Variants in CLIP2 observed in about 807,000 individuals in gnomAD.
CLIP2 encodes the protein CAP-Gly domain-containing linker protein 2.
Under a neutral mutation model 111.7 loss-of-function variants are expected in CLIP2, and 41 were observed. The observed-to-expected ratio is 0.37, with a 90% CI of 0.29 to 0.48. CLIP2 has a LOEUF of 0.48. Ranked by LOEUF, CLIP2 falls within the 20% of genes least tolerant of loss-of-function variation. The pLI, the probability that CLIP2 is intolerant of heterozygous loss-of-function variation, is 0.99. For synonymous variants in CLIP2, 660 were observed against 644.2 expected, an observed-to-expected ratio of 1.02 and a Z score of -0.37; for missense variants, 1,160 against 1,422.1, an observed-to-expected ratio of 0.82 and a Z score of 2.96.
intron 2 of CLIP2, among the ~76,000 whole-genome samples, chr7:74,322,074 C>CTCTGCCTCCTGGGTTCAAGCGATTCT (rs1204569670): frequency 2.7e-5 from 4 of 150,498 alleles, no homozygotes; most frequent in Non-Finnish European, 4.4e-5. Context: ...TGATTGCAAC[C>CTCTGCCTCCTGGGTTCAAGCGATTCT]TCTGCCTCCT....
chr7:74,399,836 G>A (rs560870003), intron 14 of CLIP2, among the ~76,000 whole-genome samples: 263 of 151,454 alleles, frequency 1.7e-3, no homozygotes, highest in Non-Finnish European at 2.9e-3. Context: ...CACCAGGCTC[G>A]GTCTCTGTCT....
At chr7:74,302,931 C>A (rs1264936659) in intron 1 of CLIP2, among the ~76,000 whole-genome samples, 1 of 152,196 alleles carries the variant, frequency 6.6e-6, no homozygotes, top group Non-Finnish European at 1.5e-5. Context: ...CTTCCTGGGG[C>A]TCCCTCGTAC....
rs1257165320 is a variant in CLIP2 at position 74,305,868 on chromosome 7, G to T, written c.-67-11612G>T. ...CCCTGCACCCCAACCCCCCCCCACCGCCCCTGCTGCCAGTTCACCATCATC... is the reference window on the plus strand; with the variant it reads ...CCCTGCACCCCAACCCCCCCCCACCTCCCCTGCTGCCAGTTCACCATCATC... On this transcript the variant is annotated intron_variant, in intron 1 of 16. Transcript: ENST00000223398. Among the ~76,000 whole-genome samples, 7 of 38,918 alleles carry T rather than the reference G, an allele frequency of 1.8e-4. 1 individual carries two copies. Among genetic ancestry groups the T allele is most frequent in the Admixed American group, 7.0e-4 (3 of 4,276 alleles). The allele number at this position is 38,918 out of a possible 152,430, so 25.5% of individuals were successfully genotyped here.
At chr7:74,387,295 C>G (rs1225308713) in intron 12 of CLIP2, among the ~76,000 whole-genome samples, 2 of 152,106 alleles carry the variant, frequency 1.3e-5, no homozygotes, top group Admixed American at 6.6e-5. Flanking sequence ...GTCACCTAGG[C>G]TGGAGTGCAG....
chr7:74,397,378 G>C, intron 14 of CLIP2, 145 bp downstream of exon 14: 1 of 935,288 alleles, frequency 1.1e-6, no homozygotes, highest in South Asian at 1.7e-5. Flanking sequence ...AAATCTTCTA[G>C]GACCACAGGC....
chr7:74,300,437 G>GA (rs1266659259), intron 1 of CLIP2, among the ~76,000 whole-genome samples: 1 of 150,156 alleles, frequency 6.7e-6, no homozygotes, highest in African/African-American at 2.4e-5. Flanking sequence ...CCATGTTGCT[G>GA]AAAAAGACAT....
At chr7:74,379,189 C>T (rs1554313485) in intron 10 of CLIP2, among the ~76,000 whole-genome samples, 2 of 152,060 alleles carry the variant, frequency 1.3e-5, no homozygotes, top group East Asian at 1.9e-4. Context: ...CCTGGCCGGG[C>T]GCGGTGGCTC....
intron 13 of CLIP2, among the ~76,000 whole-genome samples, chr7:74,394,962 C>T (rs913479975): frequency 6.6e-6 from 1 of 152,088 alleles, no homozygotes; most frequent in East Asian, 1.9e-4. Context: ...TGCTGAGTCT[C>T]GATAGAACTT....
In CLIP2 at chr7:74,353,936, G is replaced by A. The variant is rs144321349; in HGVS notation, c.735G>A (p.Lys245=). The A allele has an allele frequency of 1.9e-4, 312 of 1,614,202 alleles. No homozygotes were observed. The highest frequency in any genetic ancestry group is 2.4e-4 in the Non-Finnish European group (288 of 1,180,026). ...VRYVGETDFA[K]GEWCGVELDE... ...ACGTGGGGGAGACAGACTTTGCCAAGGGCGAGTGGTGTGGCGTGGAGCTGG... is the reference window on the plus strand; with the variant it reads ...ACGTGGGGGAGACAGACTTTGCCAAAGGCGAGTGGTGTGGCGTGGAGCTGG... The change falls in exon 4 of 17, where the codon AAG becomes AAA. Residue 245 remains lysine (K), a synonymous_variant. Coordinates refer to ENST00000223398, the MANE Select transcript of CLIP2 (RefSeq NM_003388.5).
chr7:74,323,446 G>A (rs1351101074), intron 2 of CLIP2, among the ~76,000 whole-genome samples: 1 of 109,998 alleles, frequency 9.1e-6, no homozygotes, highest in South Asian at 2.8e-4. Context: ...TTTCTTTTTT[G>A]AGATAGAGTT....
chr7:74,311,168 A>G (rs1398979305), intron 1 of CLIP2, among the ~76,000 whole-genome samples: 7 of 151,876 alleles, frequency 4.6e-5, no homozygotes, highest in Non-Finnish European at 1.0e-4. Flanking sequence ...TTTAGTAGAG[A>G]TGGGGTTTCA....
chr7:74,296,110 AG>A (rs1177045320), intron 1 of CLIP2, among the ~76,000 whole-genome samples: 3 of 152,036 alleles, frequency 2.0e-5, no homozygotes, highest in Admixed American at 6.6e-5. Context: ...TTGTAAGAAA[AG>A]GACATTTGGA....
At chr7:74,315,663 T>C (rs1788750774) in intron 1 of CLIP2, among the ~76,000 whole-genome samples, 1 of 151,738 alleles carries the variant, frequency 6.6e-6, no homozygotes, top group South Asian at 2.1e-4. Context: ...CTCCTCCTCC[T>C]GGGTTCAAGT....
intron 8 of CLIP2, among the ~76,000 whole-genome samples, chr7:74,369,342 C>T (rs1309278510): frequency 6.6e-6 from 1 of 152,032 alleles, no homozygotes. Context: ...CAGAGTGAGA[C>T]TCTGTCTCAA....
intron 3 of CLIP2, among the ~76,000 whole-genome samples, chr7:74,351,081 AAGAAAAAGAAG>A (rs1562703987): frequency 9.0e-4 from 24 of 26,672 alleles, no homozygotes; most frequent in Non-Finnish European, 2.7e-3. Context: ...GAAAGAAAGA[AAGAAAAAGAAG>A]GAAGGGAAGG....
Position 74,389,175 on chromosome 7 carries a change from C to T in CLIP2, c.2636C>T (p.Ala879Val). ...CTGAAGGAGAAGCGGCGCCTGGAGG[C>T]AGAGCTGGAGACCGTGTCCCGGAAG... ...ALLKEKRRLE[A>V]ELETVSRKTH... Residue 879 changes from alanine to valine, a missense_variant, in exon 13 of 17, where the codon GCA becomes GTA. Transcript: ENST00000223398. 3 of 1,613,716 alleles carry T rather than the reference C, an allele frequency of 1.9e-6. No homozygotes were observed. The highest frequency in any genetic ancestry group is 1.7e-6 in the Non-Finnish European group (2 of 1,179,934).
At chr7:74,369,564 T>C (rs181470496) in intron 8 of CLIP2, among the ~76,000 whole-genome samples, 7 of 150,156 alleles carry the variant, frequency 4.7e-5, no homozygotes, top group African/African-American at 1.7e-4. Flanking sequence ...AAATAAAAAT[T>C]TTTAAAATAT....
chr7:74,351,040 G>A (rs1789975761), intron 3 of CLIP2, among the ~76,000 whole-genome samples: 1 of 137,480 alleles, frequency 7.3e-6, no homozygotes, highest in Admixed American at 7.7e-5. Context: ...AGAAGGGAAG[G>A]AAGGGAAGGA....
At chr7:74,373,909 C>G (rs1790707002) in intron 9 of CLIP2, among the ~76,000 whole-genome samples, 1 of 151,994 alleles carries the variant, frequency 6.6e-6, no homozygotes, top group Non-Finnish European at 1.5e-5. Context: ...GGAGGTGTCC[C>G]CAGGGAATGG....
Sources: gnomAD v4.1 joint callset for allele counts (sites outside exome capture counted in the v4.1 genomes callset) on GRCh38, gnomAD v4.1.1 for gene constraint, MANE v1.5 for transcripts, NCBI Gene and HGNC (gene_info 2026-07-23, HGNC 2026-07-21) for gene names.